NYAP2: variants seen among roughly 807,000 people sequenced by gnomAD.
NYAP2 encodes neuronal tyrosine-phosphorylated phosphoinositide-3-kinase adapter 2.
A neutral mutation model predicts 50.4 loss-of-function variants in NYAP2; 23 were observed. That is an observed-to-expected ratio of 0.46 (90% CI 0.33 to 0.65). The LOEUF is 0.65. NYAP2 is among the 30% of genes least tolerant of loss of function. The pLI, the probability that NYAP2 is intolerant of heterozygous loss-of-function variation, is 0.02. For missense variants in NYAP2, 885 were observed against 861.0 expected, an observed-to-expected ratio of 1.03 and a Z score of -0.35; for synonymous variants, 394 against 365.2, an observed-to-expected ratio of 1.08 and a Z score of -0.90.
chr2:225,461,176 G>T (rs780283198), intron 3 of NYAP2, among the ~76,000 whole-genome samples: 2 of 152,066 alleles, frequency 1.3e-5, no homozygotes, highest in Non-Finnish European at 2.9e-5. Context: ...CTTACCATTT[G>T]TTCTGTGTGT....
At chr2:225,638,665 G>A (rs961843520) in intron 6 of NYAP2, among the ~76,000 whole-genome samples, 10 of 152,288 alleles carry the variant, frequency 6.6e-5, no homozygotes, top group Admixed American at 4.6e-4. Flanking sequence ...ACCAATCAGA[G>A]GAGGCCTTCA....
At chr2:225,445,054 A>C (rs549472939) in intron 3 of NYAP2, among the ~76,000 whole-genome samples, 10 of 152,214 alleles carry the variant, frequency 6.6e-5, no homozygotes, top group Non-Finnish European at 1.5e-4. Context: ...TAATCCACAG[A>C]AAGTGCTGTA....
At chr2:225,579,360 C>T (rs1318434256) in intron 4 of NYAP2, among the ~76,000 whole-genome samples, 1 of 152,178 alleles carries the variant, frequency 6.6e-6, no homozygotes, top group African/African-American at 2.4e-5. Context: ...TTTCCCGTGT[C>T]ATACAACATC....
intron 5 of NYAP2, among the ~76,000 whole-genome samples, chr2:225,599,935 A>T (rs1692666929): frequency 6.6e-6 from 1 of 152,200 alleles, no homozygotes; most frequent in Non-Finnish European, 1.5e-5. Flanking sequence ...AAATGCAGTC[A>T]TACTGTTGTG....
At chr2:225,569,507 C>T (rs910155964) in intron 4 of NYAP2, among the ~76,000 whole-genome samples, 1 of 152,080 alleles carries the variant, frequency 6.6e-6, no homozygotes, top group Non-Finnish European at 1.5e-5. Flanking sequence ...GTATTTTGGG[C>T]TATTGACTTC....
At chr2:225,512,136 T>G (rs1399867390) in intron 3 of NYAP2, among the ~76,000 whole-genome samples, 4 of 152,210 alleles carry the variant, frequency 2.6e-5, no homozygotes, top group Non-Finnish European at 5.9e-5. Flanking sequence ...CTTAATAGCA[T>G]AGACAGAGGC....
chr2:225,509,268 C>G (rs949252629), intron 3 of NYAP2, among the ~76,000 whole-genome samples: 23 of 152,142 alleles, frequency 1.5e-4, no homozygotes, highest in African/African-American at 4.1e-4. Context: ...TCACATTTGG[C>G]CAAGACAGTA....
At chr2:225,402,864 G>T (rs1338611840) in intron 2 of NYAP2, among the ~76,000 whole-genome samples, 2 of 151,746 alleles carry the variant, frequency 1.3e-5, no homozygotes, top group Admixed American at 6.6e-5. Flanking sequence ...CAAATTATAA[G>T]ATTTTATCAG....
intron 5 of NYAP2, among the ~76,000 whole-genome samples, chr2:225,624,608 T>G (rs1693176287): frequency 6.6e-6 from 1 of 152,296 alleles, no homozygotes; most frequent in East Asian, 1.9e-4. Flanking sequence ...TACAGTTCTG[T>G]TTCTGAATGT....
At chr2:225,507,586 C>T (rs904624404) in intron 3 of NYAP2, among the ~76,000 whole-genome samples, 1 of 152,132 alleles carries the variant, frequency 6.6e-6, no homozygotes, top group Non-Finnish European at 1.5e-5. Context: ...TATCTTGATA[C>T]CTTGAGTTAA....
chr2:225,441,622 G>T (rs112962412), intron 3 of NYAP2, among the ~76,000 whole-genome samples: 1 of 152,288 alleles, frequency 6.6e-6, no homozygotes, highest in Non-Finnish European at 1.5e-5. Flanking sequence ...GGCGGCAGGA[G>T]AGAGAGAGTG....
chr2:225,403,578 A>C (rs1265765460), intron 2 of NYAP2, among the ~76,000 whole-genome samples: 1 of 151,960 alleles, frequency 6.6e-6, no homozygotes, highest in East Asian at 1.9e-4. Flanking sequence ...CTTTCCCAAA[A>C]CAGAGCCTTT....
intron 4 of NYAP2, among the ~76,000 whole-genome samples, chr2:225,536,964 G>C (rs1481605445): frequency 6.6e-6 from 1 of 151,768 alleles, no homozygotes; most frequent in South Asian, 2.1e-4. Context: ...TTTTTTAGTA[G>C]AGACGAGGTT....
intron 4 of NYAP2, among the ~76,000 whole-genome samples, chr2:225,538,137 C>T (rs1691384115): frequency 6.6e-6 from 1 of 152,172 alleles, no homozygotes. Context: ...TTAGTGTCTG[C>T]AGTTTTTCCA....
chr2:225,549,319 G>T (rs993418033), intron 4 of NYAP2, among the ~76,000 whole-genome samples: 1 of 152,120 alleles, frequency 6.6e-6, no homozygotes, highest in Admixed American at 6.5e-5. Context: ...TTACGTATCT[G>T]TTTCCAACTC....
the NYAP2 span, among the ~76,000 whole-genome samples, chr2:225,684,132 G>A: frequency 6.6e-6 from 1 of 152,132 alleles, no homozygotes; most frequent in Non-Finnish European, 1.5e-5. Flanking sequence ...TAGATGGTCT[G>A]GTCAGAGAGA....
At chr2:225,408,923 C>T in exon 3 of NYAP2, 1 of 1,611,516 alleles carries the variant, frequency 6.2e-7, no homozygotes, top group Admixed American at 1.7e-5. Flanking sequence ...TGAGGAAGAC[C>T]CTTTGGACAC....
At chr2:225,545,191 T>C (rs918068677) in intron 4 of NYAP2, among the ~76,000 whole-genome samples, 1 of 152,200 alleles carries the variant, frequency 6.6e-6, no homozygotes, top group South Asian at 2.1e-4. Context: ...ATCTGCTTGA[T>C]GTTCTATAAC....
At chr2:225,625,043 T>A (rs368329148) in intron 5 of NYAP2, among the ~76,000 whole-genome samples, 6 of 69,630 alleles carry the variant, frequency 8.6e-5, no homozygotes, top group African/African-American at 1.8e-4. Context: ...AACCCAAGCG[T>A]AAAAAAAAAA....
Sources: gnomAD v4.1 joint callset for allele counts (sites outside exome capture counted in the v4.1 genomes callset) on GRCh38, gnomAD v4.1.1 for gene constraint, MANE v1.5 for transcripts, NCBI Gene and HGNC (gene_info 2026-07-23, HGNC 2026-07-21) for gene names.